Variants in ARHGEF38 observed in about 807,000 individuals in gnomAD.
ARHGEF38 encodes the protein Rho guanine nucleotide exchange factor (GEF) 38.
A neutral mutation model predicts 79.9 loss-of-function variants in ARHGEF38; 79 were observed. The ratio of observed to expected loss-of-function variants is 0.99; its 90% CI spans 0.82 to 1.19. The LOEUF is 1.19. ARHGEF38 is among the 50% of genes most tolerant of loss of function. The pLI is 0.00. For synonymous variants in ARHGEF38, 366 were observed against 328.3 expected (o/e 1.11, Z -1.24); for missense variants, 962 against 907.2 (o/e 1.06, Z -0.78).
chr4:105,658,471 C>A (rs1247943574), intron 9 of ARHGEF38, among the ~76,000 whole-genome samples: 1 of 151,986 alleles, frequency 6.6e-6, no homozygotes, highest in East Asian at 1.9e-4. Flanking sequence ...GATTAAAATA[C>A]CTTTATTAAG....
At chr4:105,636,968 C>T (rs948777053) in intron 5 of ARHGEF38, among the ~76,000 whole-genome samples, 9 of 151,958 alleles carry the variant, frequency 5.9e-5, no homozygotes, top group East Asian at 3.9e-4. Flanking sequence ...AGAAAAACAG[C>T]GTATACAAAC....
intron 2 of ARHGEF38, among the ~76,000 whole-genome samples, chr4:105,611,419 A>C (rs908220973): frequency 2.0e-5 from 3 of 152,016 alleles, no homozygotes; most frequent in Admixed American, 6.6e-5. Flanking sequence ...TTGTGGATTT[A>C]ATTAATACCC....
intron 7 of ARHGEF38, among the ~76,000 whole-genome samples, chr4:105,649,467 A>T (rs1729999461): frequency 6.6e-6 from 1 of 152,238 alleles, no homozygotes; most frequent in African/African-American, 2.4e-5. Flanking sequence ...TATCAACAGA[A>T]CACACTTGCA....
Position 105,589,447 on chromosome 4 carries a change from T to TATATG in ARHGEF38, c.384+12_384+13insATATG, listed in dbSNP as rs781159008. Reference sequence around the variant, plus strand: ...TGAGAAATAAAAAGGTAAATATATATTTGAGATTTTTTTTTCTCTCCCATA... The same window carrying TATATG: ...TGAGAAATAAAAAGGTAAATATATATATATGTTGAGATTTTTTTTTCTCTCCCATA... On this transcript the variant is annotated intron_variant, in intron 2 of 13. Transcript: ENST00000420470. 3.8e-6 allele frequency: 6 copies of TATATG among 1,593,158 alleles called. No individual in the cohort carries two copies. Among genetic ancestry groups the TATATG allele is most frequent in the Non-Finnish European group, 5.1e-6 (6 of 1,172,424 alleles).
chr4:105,567,462 C>T (rs532512151), intron 1 of ARHGEF38, among the ~76,000 whole-genome samples: 8 of 152,104 alleles, frequency 5.3e-5, no homozygotes, highest in African/African-American at 1.9e-4. Flanking sequence ...ATGTAAGTTT[C>T]GTTAAAGTAA....
chr4:105,585,988 C>T (rs1204957323), intron 1 of ARHGEF38, among the ~76,000 whole-genome samples: 1 of 152,056 alleles, frequency 6.6e-6, no homozygotes, highest in Non-Finnish European at 1.5e-5. Context: ...ACCTCGGCCT[C>T]CCAAAGTGTT....
chr4:105,677,117 C>T (rs1027152396), intron 13 of ARHGEF38, among the ~76,000 whole-genome samples: 4 of 152,088 alleles, frequency 2.6e-5, no homozygotes, highest in Non-Finnish European at 5.9e-5. Context: ...GCACACGCCA[C>T]CACGCCCAGC....
intron 13 of ARHGEF38, among the ~76,000 whole-genome samples, chr4:105,669,975 T>G (rs1221089653): frequency 6.6e-6 from 1 of 152,236 alleles, no homozygotes; most frequent in African/African-American, 2.4e-5. Context: ...ATGTACTTTG[T>G]TGCTTTTTAT....
In ARHGEF38 at chr4:105,648,623, A is replaced by T; in HGVS notation, c.949A>T (p.Ser317Cys). The T allele has an allele frequency of 6.5e-7, 1 of 1,533,708 alleles. No individual in the cohort carries two copies. Among genetic ancestry groups the T allele is most frequent in the Non-Finnish European group, 8.7e-7 (1 of 1,145,948 alleles). ...KLSKLNIHSI[S>C]KKSKRVTNHL... is the part of the protein sequence containing the mutation. ...GTCTAAACTAAATATTCATTCAATT[A>T]GCAAGAAATCAAAAAGAGTGACAAA... Residue 317 changes from serine (S) to cysteine (C), a missense_variant, in exon 7 of 14, where the codon AGC becomes TGC. Coordinates refer to ENST00000420470, the MANE Select transcript of ARHGEF38 (RefSeq NM_001242729.2).
In ARHGEF38 at chr4:105,666,186, T is replaced by C. The variant is rs574698324; in HGVS notation, c.1555T>C (p.Leu519=). The change falls in exon 11 of 14, where the codon TTG becomes CTG. Residue 519 remains leucine (L), a synonymous_variant. Coordinates refer to ENST00000420470, the MANE Select transcript of ARHGEF38 (RefSeq NM_001242729.2). ...TTATTTCTACCTATAGATGCCACTG[T>C]TGGTTTCAAGCATTTCTGAGATTCA... The part of the protein sequence containing the change: ...AYSTLVPMPL[L]VSSISEIQNQ... 1.3e-6 allele frequency: 2 copies of C among 1,523,362 alleles called. No individual in the cohort carries two copies. Among genetic ancestry groups the C allele is most frequent in the East Asian group, 2.5e-5 (1 of 40,714 alleles). 94.4% of individuals were successfully genotyped at this position (1,523,362 alleles called of 1,614,324 possible). A position where few individuals can be genotyped will look rare whatever the true frequency, so the allele number is the denominator to read the frequency against.
chr4:105,575,493 G>A (rs1726453373), intron 1 of ARHGEF38, among the ~76,000 whole-genome samples: 1 of 152,046 alleles, frequency 6.6e-6, no homozygotes, highest in African/African-American at 2.4e-5. Flanking sequence ...CCCACTTCTT[G>A]ATGAGGTTAT....
intron 2 of ARHGEF38, among the ~76,000 whole-genome samples, chr4:105,611,110 T>C (rs1338142486): frequency 6.6e-6 from 1 of 152,140 alleles, no homozygotes; most frequent in Non-Finnish European, 1.5e-5. Flanking sequence ...GTTCATCCTT[T>C]ACAAAGAAGT....
chr4:105,630,466 A>T (rs971096866), intron 3 of ARHGEF38, among the ~76,000 whole-genome samples: 1 of 151,344 alleles, frequency 6.6e-6, no homozygotes, highest in Non-Finnish European at 1.5e-5. Context: ...CTGGTCTCAA[A>T]CTCCTGACCT....
chr4:105,659,855 GTGT>G (rs1730493247), intron 10 of ARHGEF38, among the ~76,000 whole-genome samples: 1 of 143,426 alleles, frequency 7.0e-6, no homozygotes. Context: ...GGTTTTGTGT[GTGT>G]GTGTGTGTGT....
At chr4:105,601,365 C>T (rs1727814171) in intron 2 of ARHGEF38, among the ~76,000 whole-genome samples, 1 of 152,130 alleles carries the variant, frequency 6.6e-6, no homozygotes, top group South Asian at 2.1e-4. Context: ...CTTCCTTCAC[C>T]ACCTCAATCT....
At chr4:105,565,204 A>T (rs1725828235) in intron 1 of ARHGEF38, among the ~76,000 whole-genome samples, 1 of 152,168 alleles carries the variant, frequency 6.6e-6, no homozygotes, top group Non-Finnish European at 1.5e-5. Context: ...TCCCAGCCCC[A>T]GTATTTGAGC....
chr4:105,569,433 C>T (rs1406330606), intron 1 of ARHGEF38, among the ~76,000 whole-genome samples: 2 of 152,138 alleles, frequency 1.3e-5, no homozygotes, highest in East Asian at 1.9e-4. Flanking sequence ...GGTCAATCTC[C>T]CCTCTTGCCC....
At chr4:105,644,187 G>T (rs184637965) in intron 5 of ARHGEF38, among the ~76,000 whole-genome samples, 101 of 152,170 alleles carry the variant, frequency 6.6e-4, no homozygotes, top group African/African-American at 2.2e-3. Flanking sequence ...TTCTAATGAT[G>T]CAACTTTTCT....
chr4:105,552,961 G>A lies in ARHGEF38; in HGVS notation c.196G>A (p.Glu66Lys), dbSNP rs1471035328. Residue 66 changes from glutamate (E) to lysine (K), a missense_variant and splice_region_variant, in exon 1 of 14, where the codon GAA (glutamate) becomes AAA (lysine). Glu to Lys is a moderately conservative substitution (Grantham distance 56, BLOSUM62 1). Coordinates refer to ENST00000420470, the MANE Select transcript of ARHGEF38 (RefSeq NM_001242729.2). ...DRTEYNQKLQ[E>K]KMTPQGECSV... Reference sequence around the variant, plus strand: ...GACCGAATACAACCAGAAATTACAAGGTAACCAAAAAGAAATCAATTGTCC... The same window carrying A: ...GACCGAATACAACCAGAAATTACAAAGTAACCAAAAAGAAATCAATTGTCC... The A allele has an allele frequency of 1.9e-6, 3 of 1,602,700 alleles. No homozygotes were observed. The African/African-American group carries it at 4.0e-5, about 22-fold the overall frequency.
Sources: allele counts gnomAD v4.1 joint callset (sites outside exome capture counted in the v4.1 genomes callset), GRCh38; gene constraint gnomAD v4.1.1; transcripts MANE v1.5; gene names NCBI Gene and HGNC (gene_info 2026-07-23, HGNC 2026-07-21).